The following BMPR1B variants were observed in gnomAD, a reference collection of about 807,000 sequenced individuals.
BMPR1B encodes the protein bone morphogenetic protein receptor type-1B.
BMPR1B carries 12 observed loss-of-function variants against 59.1 expected under a neutral mutation model. The observed-to-expected ratio is 0.20, with a 90% CI of 0.13 to 0.33. The LOEUF (loss-of-function observed/expected upper bound fraction) is 0.33. Among genes scored for constraint, BMPR1B ranks in the 10% least tolerant of loss-of-function variants. BMPR1B has a pLI of 1.00. For missense variants in BMPR1B, 550 were observed against 610.9 expected, an observed-to-expected ratio of 0.90 and a Z score of 1.05; for synonymous variants, 237 against 207.3, an observed-to-expected ratio of 1.14 and a Z score of -1.23.
At chr4:94,931,556 C>G (rs1345695571) in intron 2 of BMPR1B, among the ~76,000 whole-genome samples, 1 of 152,044 alleles carries the variant, frequency 6.6e-6, no homozygotes, top group Non-Finnish European at 1.5e-5. Context: ...GCAGCTTCTA[C>G]TCTTCAATTA....
Position 95,105,833 on chromosome 4 carries a change from A to T in BMPR1B, c.143+1266A>T, listed in dbSNP as rs182637733. Among the ~76,000 whole-genome samples, 23 of 152,162 alleles carry T rather than the reference A, an allele frequency of 1.5e-4. No homozygotes were observed. In the East Asian group the frequency reaches 4.5e-3, roughly 29 times the overall value. ...CCTCTTTATAGTAAATAGAAAAAGT[A>T]TCAGGAGAGTTTAAAAATGTTTGAA... is the stretch of plus-strand genomic sequence containing the variant. On this transcript the variant is annotated intron_variant, in intron 4 of 12. Coordinates refer to ENST00000515059, the MANE Select transcript of BMPR1B (RefSeq NM_001203.3).
At chr4:95,054,628 C>T (rs1454407744) in intron 3 of BMPR1B, among the ~76,000 whole-genome samples, 4 of 152,114 alleles carry the variant, frequency 2.6e-5, no homozygotes, top group African/African-American at 7.2e-5. Flanking sequence ...AGTAGAGACT[C>T]ACAGGCAGTC....
At chr4:95,136,545 T>C (rs998642772) in intron 10 of BMPR1B, among the ~76,000 whole-genome samples, 1 of 152,158 alleles carries the variant, frequency 6.6e-6, no homozygotes, top group Non-Finnish European at 1.5e-5. Context: ...GGTCCTAGAC[T>C]TTTTTTCGTT....
chr4:95,090,287 T>C (rs1015745876), intron 3 of BMPR1B, among the ~76,000 whole-genome samples: 2 of 151,802 alleles, frequency 1.3e-5, no homozygotes, highest in Non-Finnish European at 2.9e-5. Flanking sequence ...ATTTAAATTA[T>C]AGTTACATTT....
At position 94,960,476 on chromosome 4, in the gene BMPR1B, C is replaced by T. The variant is rs1007621591; in HGVS notation, c.-112-35564C>T. Among the ~76,000 whole-genome samples the T allele has an allele frequency of 5.3e-5, 8 of 152,070 alleles. No individual in the cohort carries two copies. In the South Asian group the frequency reaches 1.0e-3, roughly 20 times the overall value. On this transcript the variant is annotated intron_variant, in intron 2 of 12. Coordinates refer to ENST00000515059, the MANE Select transcript of BMPR1B (RefSeq NM_001203.3). ...GGAATAGGTGATAGTAATGTTAGAG[C>T]GTAACAGAAGAGAAAAATATTTGGC...
chr4:94,784,844 T>C (rs1261953720), intron 1 of BMPR1B, among the ~76,000 whole-genome samples: 1 of 152,196 alleles, frequency 6.6e-6, no homozygotes, highest in African/African-American at 2.4e-5. Flanking sequence ...ACCTCATCTT[T>C]GATACCATAC....
chr4:95,009,644 A>G (rs1723084809), intron 3 of BMPR1B, among the ~76,000 whole-genome samples: 1 of 152,194 alleles, frequency 6.6e-6, no homozygotes, highest in Non-Finnish European at 1.5e-5. Context: ...GTTAAGGAGT[A>G]TGTGGCAGGT....
At chr4:94,813,981 T>C (rs1417009912) in intron 1 of BMPR1B, among the ~76,000 whole-genome samples, 1 of 152,172 alleles carries the variant, frequency 6.6e-6, no homozygotes, top group African/African-American at 2.4e-5. Context: ...TTGCTATGCC[T>C]ATGAGATATG....
At chr4:94,833,440 C>T (rs1025853020) in intron 1 of BMPR1B, among the ~76,000 whole-genome samples, 4 of 152,176 alleles carry the variant, frequency 2.6e-5, no homozygotes, top group African/African-American at 9.6e-5. Context: ...TTGTTTTCCA[C>T]ACTTTTTTCT....
intron 3 of BMPR1B, among the ~76,000 whole-genome samples, chr4:95,056,379 A>T (rs950444207): frequency 2.0e-5 from 3 of 152,186 alleles, no homozygotes; most frequent in Non-Finnish European, 4.4e-5. Context: ...TCTGCTTGAT[A>T]CTATCTCTGT....
chr4:94,956,304 A>G (rs1382837620), intron 2 of BMPR1B, among the ~76,000 whole-genome samples: 1 of 152,108 alleles, frequency 6.6e-6, no homozygotes, highest in Non-Finnish European at 1.5e-5. Flanking sequence ...TCCTGGCTTC[A>G]AGTGATCCTC....
rs376351998 is a variant in BMPR1B, at chr4:94,873,231, C to T, written c.-182-2600C>T. On this transcript the variant is annotated intron_variant, in intron 1 of 12. Transcript: ENST00000515059. ...ACTGACCACCTTACTGAATGACCCTCAATTTGCCTTTCTAGTTTTATTTGA... is the reference window on the plus strand; with the variant it reads ...ACTGACCACCTTACTGAATGACCCTTAATTTGCCTTTCTAGTTTTATTTGA... Among the ~76,000 whole-genome samples the T allele has an allele frequency of 1.9e-4, 29 of 152,214 alleles. No homozygotes were observed. In the South Asian group the frequency reaches 4.4e-3, roughly 23 times the overall value.
chr4:94,907,720 G>A (rs1728101551), intron 2 of BMPR1B, among the ~76,000 whole-genome samples: 1 of 151,976 alleles, frequency 6.6e-6, no homozygotes, highest in East Asian at 1.9e-4. Flanking sequence ...GTTACGGTTT[G>A]CTTGTATGTG....
intron 2 of BMPR1B, among the ~76,000 whole-genome samples, chr4:94,883,831 A>G (rs1448017521): frequency 3.3e-5 from 5 of 152,168 alleles, no homozygotes; most frequent in Admixed American, 3.3e-4. Flanking sequence ...CATTAAGCTC[A>G]AAGTTTCACA....
In BMPR1B at chr4:94,841,557, A is replaced by C. The variant is rs1053022222; in HGVS notation, c.-182-34274A>C. ...CCATCCGTCACCCCTTTCTTTGACT[A>C]GGAAAGGGAACTCGCTGACCCCTTG... On this transcript the variant is annotated intron_variant, in intron 1 of 12. Transcript: ENST00000515059. 7.3e-5 allele frequency among the ~76,000 whole-genome samples: 11 copies of C among 151,064 alleles called. 1 individual carries two copies. The highest frequency in any genetic ancestry group is 4.2e-4 in the South Asian group (2 of 4,772).
intron 4 of BMPR1B, among the ~76,000 whole-genome samples, chr4:95,109,693 C>T (rs1731470404): frequency 1.6e-5 from 1 of 61,180 alleles, no homozygotes; most frequent in Middle Eastern, 9.6e-3. Context: ...TTCATTAGAA[C>T]TTCTTTTTAT....
At chr4:94,953,197 G>A (rs1730014230) in intron 2 of BMPR1B, among the ~76,000 whole-genome samples, 1 of 152,052 alleles carries the variant, frequency 6.6e-6, no homozygotes, top group Admixed American at 6.5e-5. Flanking sequence ...ACACTGATGG[G>A]TCTTGACTCT....
intron 4 of BMPR1B, among the ~76,000 whole-genome samples, chr4:95,105,130 T>C (rs1346843631): frequency 6.6e-6 from 1 of 152,100 alleles, no homozygotes; most frequent in African/African-American, 2.4e-5. Context: ...TTTATAACAT[T>C]TGAAACTGAA....
At chr4:94,802,461 A>G (rs1224550745) in intron 1 of BMPR1B, among the ~76,000 whole-genome samples, 6 of 152,188 alleles carry the variant, frequency 3.9e-5, no homozygotes, top group Admixed American at 6.5e-5. Context: ...AGGGAGGTCA[A>G]TGAAGAGAGA....
Sources: allele counts gnomAD v4.1 joint callset (sites outside exome capture counted in the v4.1 genomes callset), GRCh38; gene constraint gnomAD v4.1.1; transcripts MANE v1.5; gene names NCBI Gene and HGNC (gene_info 2026-07-23, HGNC 2026-07-21).